ADAMTS8: variants seen among roughly 807,000 people sequenced by gnomAD.
ADAMTS8 encodes A disintegrin and metalloproteinase with thrombospondin motifs 8.
Under a neutral mutation model 64.4 loss-of-function variants are expected in ADAMTS8, and 50 were observed. That is an observed-to-expected ratio of 0.78 (90% CI 0.62 to 0.98). The LOEUF is 0.98. Among genes scored for constraint, ADAMTS8 ranks in the 50% least tolerant of loss-of-function variants. The pLI is 0.00. For missense variants in ADAMTS8, 1,192 were observed against 1,208.2 expected, an observed-to-expected ratio of 0.99 and a Z score of 0.20; for synonymous variants, 556 against 533.6, an observed-to-expected ratio of 1.04 and a Z score of -0.58.
rs1862206578 is a variant in ADAMTS8 at position 130,428,213 on chromosome 11, C to T, written c.74G>A (p.Arg25His). The change falls in exon 1 of 9, where the codon CGC (arginine) becomes CAC (histidine). Residue 25 changes from arginine (R) to histidine (H), a missense_variant. Around this residue, in one of 5 missense-constraint regions of ADAMTS8, gnomAD observed 741 missense variants for 710.6 expected, o/e 1.04. Coordinates refer to ENST00000257359, the MANE Select transcript of ADAMTS8 (RefSeq NM_007037.6). Reference sequence around the variant, plus strand: ...GGCTGCGGGCCGGGCCGGGGCGCCGCGGGCCAGCGGCAGCAGCAGCAGCAG... The same window carrying T: ...GGCTGCGGGCCGGGCCGGGGCGCCGTGGGCCAGCGGCAGCAGCAGCAGCAG... Reference protein sequence around the residue: ...LLLLLLLPLARGAPARPAAGG... With the variant: ...LLLLLLLPLAHGAPARPAAGG... 3.3e-6 allele frequency: 4 copies of T among 1,226,772 alleles called. No individual in the cohort carries two copies. The highest frequency in any genetic ancestry group is 4.0e-6 in the Non-Finnish European group (4 of 992,350). 76.0% of individuals were successfully genotyped at this position (1,226,772 alleles called of 1,614,324 possible). A position where few individuals can be genotyped will look rare whatever the true frequency, so the allele number is the denominator to read the frequency against.
intron 1 of ADAMTS8, 96 bp downstream of exon 1, chr11:130,427,471 T>TTC: frequency 9.1e-7 from 1 of 1,104,584 alleles, no homozygotes; most frequent in Non-Finnish European, 1.2e-6. Context: ...TTTTTTTTTT[T>TTC]TTTCTCAGAG....
chr11:130,415,309 C>CA (rs1242429784), intron 4 of ADAMTS8, among the ~76,000 whole-genome samples: 3 of 152,078 alleles, frequency 2.0e-5, no homozygotes, highest in Non-Finnish European at 2.9e-5. Flanking sequence ...TTCTGAGAAG[C>CA]AATTTTTTTT....
At chr11:130,410,094 T>C (rs1029193130) in intron 6 of ADAMTS8, among the ~76,000 whole-genome samples, 25 of 152,092 alleles carry the variant, frequency 1.6e-4, no homozygotes, top group African/African-American at 6.0e-4. Context: ...CCCTGGCAGG[T>C]CCCCTCACAC....
At chr11:130,422,650 C>T (rs1465243350) in intron 1 of ADAMTS8, among the ~76,000 whole-genome samples, 2 of 152,244 alleles carry the variant, frequency 1.3e-5, no homozygotes, top group African/African-American at 4.8e-5. Flanking sequence ...AAAGAGCAAC[C>T]TGCATCATAT....
In ADAMTS8 at chr11:130,414,658, T is replaced by C; in HGVS notation, c.1439A>G (p.Asp480Gly). Residue 480 changes from aspartate to glycine, a missense_variant, in exon 5 of 9, where the codon GAT becomes GGT. Physicochemically the swap from Asp to Gly is moderately conservative, Grantham distance 94. Coordinates refer to ENST00000257359, the MANE Select transcript of ADAMTS8 (RefSeq NM_007037.6). ...CGTGTGGCACAGGGGCTCAGCCCCA[T>C]CAGTGTGGCACCAAAGCTGGGCGCA... Reference protein sequence around the residue: ...DVCAQLWCHTDGAEPLCHTKN... With the variant: ...DVCAQLWCHTGGAEPLCHTKN... The C allele has an allele frequency of 6.2e-7, 1 of 1,613,764 alleles. No individual in the cohort carries two copies. Among genetic ancestry groups the C allele is most frequent in the Non-Finnish European group, 8.5e-7 (1 of 1,180,026 alleles).
rs1592136653 is a variant in ADAMTS8, at chr11:130,427,540, G to A, written c.720+27C>T. 12 of 1,532,214 alleles carry A rather than the reference G, an allele frequency of 7.8e-6. No homozygotes were observed. The African/African-American group carries it at 1.7e-4, about 21-fold the overall frequency. The allele number at this position is 1,532,214 out of a possible 1,614,324, so 94.9% of individuals were successfully genotyped here. A position where few individuals can be genotyped will look rare whatever the true frequency, so the allele number is the denominator to read the frequency against. ...GGCGTCTGGGGGGCCTCCGGGCACG[G>A]CGGCTGGAGGAGGCTCTCAGTCCTA... On this transcript the variant is annotated intron_variant, in intron 1 of 8. Transcript: ENST00000257359.
Position 130,405,780 on chromosome 11 carries a change from C to T in ADAMTS8, c.2448G>A (p.Met816Ile). The change falls in exon 9 of 9, where the codon ATG becomes ATA. Residue 816 changes from methionine (M) to isoleucine (I), a missense_variant. Physicochemically the swap from Met to Ile is conservative, Grantham distance 10 (BLOSUM62 1). Coordinates refer to ENST00000257359, the MANE Select transcript of ADAMTS8 (RefSeq NM_007037.6). ...FFVPNDVDFS[M>I]QSSKERATTN... ...TGGTTGCTCTCTCTTTGCTGCTCTG[C>T]ATGCTAAAGTCCACGTCATTAGGAA... is the stretch of plus-strand genomic sequence containing the variant. 1 of 1,614,118 alleles carries T rather than the reference C, an allele frequency of 6.2e-7. No homozygotes were observed. Among genetic ancestry groups the T allele is most frequent in the Non-Finnish European group, 8.5e-7 (1 of 1,180,054 alleles).
Position 130,405,630 on chromosome 11 carries a change from G to C in ADAMTS8, c.2598C>G (p.Ala866=). Residue 866 remains alanine, a synonymous_variant, in exon 9 of 9, where the codon GCC becomes GCG. Coordinates refer to ENST00000257359, the MANE Select transcript of ADAMTS8 (RefSeq NM_007037.6). The part of the protein sequence containing the change: ...TVECRDPSGQ[A]SATCNKALKP... ...TCAGAGCCTTGTTGCAGGTGGCAGA[G>C]GCCTGGCCGGAGGGGTCCCTGCACT... The C allele has an allele frequency of 1.2e-6, 2 of 1,613,794 alleles. No homozygotes were observed. Among genetic ancestry groups the C allele is most frequent in the Middle Eastern group, 3.3e-4 (2 of 6,032 alleles).
chr11:130,417,740 G>A (rs978316137), intron 2 of ADAMTS8, among the ~76,000 whole-genome samples: 6 of 152,134 alleles, frequency 3.9e-5, no homozygotes, highest in South Asian at 2.1e-4. Flanking sequence ...CTTTTTTAAG[G>A]AGGAAGACGC....
chr11:130,416,878 T>G lies in ADAMTS8; in HGVS notation c.1096+62A>C. On this transcript the variant is annotated intron_variant, in intron 3 of 8. Coordinates refer to ENST00000257359, the MANE Select transcript of ADAMTS8 (RefSeq NM_007037.6). This position sits in a 1 kb window ranked among gnomAD's most constrained non-coding sequence, Gnocchi z 4.8. ...ATATTCCTTAGGATCTACGCAACCT[T>G]GGATCTGGAAGAGCAGTTCCCTCCG... The G allele has an allele frequency of 6.2e-7, 1 of 1,610,358 alleles. No individual in the cohort carries two copies. The highest frequency in any genetic ancestry group is 8.5e-7 in the Non-Finnish European group (1 of 1,177,334).
chr11:130,418,539 G>T (rs1862057079), intron 2 of ADAMTS8, among the ~76,000 whole-genome samples: 1 of 152,254 alleles, frequency 6.6e-6, no homozygotes, highest in African/African-American at 2.4e-5. Flanking sequence ...ACAAAATGGG[G>T]ATAACACCAG....
intron 1 of ADAMTS8, among the ~76,000 whole-genome samples, chr11:130,419,741 C>A (rs894215039): frequency 1.3e-5 from 2 of 152,204 alleles, no homozygotes; most frequent in African/African-American, 4.8e-5. Flanking sequence ...CTGCCTTAAT[C>A]CTGACACCGT....
chr11:130,405,504 T>C lies in ADAMTS8; in HGVS notation c.*54A>G. 1 of 1,530,518 alleles carries C rather than the reference T, an allele frequency of 6.5e-7. No individual in the cohort carries two copies. Among genetic ancestry groups the C allele is most frequent in the Non-Finnish European group, 8.8e-7 (1 of 1,141,904 alleles). The allele number at this position is 1,530,518 out of a possible 1,614,324, so 94.8% of individuals were successfully genotyped here. A position where few individuals can be genotyped will look rare whatever the true frequency, so the allele number is the denominator to read the frequency against. On this transcript the variant is annotated 3_prime_UTR_variant, in exon 9 of 9. Transcript: ENST00000257359. Reference sequence around the variant, plus strand: ...AGTCACCACAGTGGAGACCCTTGTCTGCACCTCAGTACCGCATGTCCAGGA... The same window carrying C: ...AGTCACCACAGTGGAGACCCTTGTCCGCACCTCAGTACCGCATGTCCAGGA...
chr11:130,427,972 G>T lies in ADAMTS8; in HGVS notation c.315C>A (p.Thr105=), dbSNP rs749630101. The stretch of plus-strand genomic sequence containing the variant: ...CCAGCGACTCGGGCTCCCCATTCAC[G>T]GTGCCGGAGAAGAAGCAGCCGCGCA... ...RGLRGCFFSG[T]VNGEPESLAA... Residue 105 remains threonine, a synonymous_variant, in exon 1 of 9, where the codon ACC becomes ACA. Transcript: ENST00000257359. The T allele has an allele frequency of 2.8e-5, 43 of 1,530,444 alleles. No individual in the cohort carries two copies. Among genetic ancestry groups the T allele is most frequent in the East Asian group, 7.5e-5 (3 of 40,186 alleles). 94.8% of individuals were successfully genotyped at this position (1,530,444 alleles called of 1,614,324 possible).
intron 1 of ADAMTS8, among the ~76,000 whole-genome samples, chr11:130,419,674 G>A (rs923742114): frequency 3.9e-5 from 6 of 152,304 alleles, no homozygotes; most frequent in South Asian, 2.1e-4. Context: ...TATATGGCTC[G>A]TGGCTACTGC....
Position 130,419,040 on chromosome 11 carries a change from G to A in ADAMTS8, c.960+13C>T. ...TCCCTTCCTCCCCAGGGCTTCCGGAGCCAGGCACGGACCTGTCTGGTGAGC... is the reference window on the plus strand; with the variant it reads ...TCCCTTCCTCCCCAGGGCTTCCGGAACCAGGCACGGACCTGTCTGGTGAGC... On this transcript the variant is annotated intron_variant, in intron 2 of 8. Coordinates refer to ENST00000257359, the MANE Select transcript of ADAMTS8 (RefSeq NM_007037.6). 6.2e-7 allele frequency: 1 copy of A among 1,613,782 alleles called. No homozygotes were observed. The highest frequency in any genetic ancestry group is 8.5e-7 in the Non-Finnish European group (1 of 1,179,886).
intron 5 of ADAMTS8, among the ~76,000 whole-genome samples, chr11:130,413,981 C>T (rs1447721018): frequency 1.3e-5 from 2 of 152,226 alleles, no homozygotes; most frequent in Admixed American, 1.3e-4. Context: ...TCTGGAGCCA[C>T]GGCAGTGTCA....
rs12289835 is a variant in ADAMTS8 at position 130,427,640 on chromosome 11, G to A, written c.647C>T (p.Ser216Phe). The A allele has an allele frequency of 1.9e-6, 3 of 1,581,420 alleles. No individual in the cohort carries two copies. The highest frequency in any genetic ancestry group is 2.6e-6 in the Non-Finnish European group (3 of 1,166,394). Residue 216 changes from serine to phenylalanine, a missense_variant, in exon 1 of 9, where the codon TCT becomes TTT. Physicochemically the swap from Ser to Phe is radical, Grantham distance 155 (BLOSUM62 -2). Transcript: ENST00000257359. ...CAGCGTCTCCACGAAGCGCGCCTCA[G>A]ACACAAACCGCTTGGTCCTACTCGT... is the stretch of plus-strand genomic sequence containing the variant. ...GATSRTKRFV[S>F]EARFVETLLV...
rs562253673 is a variant in ADAMTS8, at chr11:130,406,054, C to A, written c.2174G>T (p.Gly725Val). ...NIDVKQRSHP[G>V]VQNDGNYLAL... ...CAGGTAGTTCCCATCGTTCTGCACA[C>A]CCGGGTGGCTCCGCTGCTTCACGTC... The change falls in exon 9 of 9, where the codon GGT (glycine) becomes GTT (valine). Residue 725 changes from glycine (G) to valine (V), a missense_variant. By Grantham distance (109) the Gly-to-Val change is moderately radical. Around this residue, in one of 5 missense-constraint regions of ADAMTS8, gnomAD observed 290 missense variants for 297.8 expected, o/e 0.97. Transcript: ENST00000257359. 1 of 1,614,068 alleles carries A rather than the reference C, an allele frequency of 6.2e-7. No homozygotes were observed. Among genetic ancestry groups the A allele is most frequent in the East Asian group, 2.2e-5 (1 of 44,882 alleles).
Sources: allele counts gnomAD v4.1 joint callset (sites outside exome capture counted in the v4.1 genomes callset), GRCh38; gene constraint gnomAD v4.1.1; regional missense constraint gnomAD v4.1.1; non-coding constraint Gnocchi (gnomAD v3.1); transcripts MANE v1.5; gene names NCBI Gene and HGNC (gene_info 2026-07-23, HGNC 2026-07-21).